The following NSD3 variants were observed in gnomAD, a reference collection of about 807,000 sequenced individuals.
NSD3 encodes the protein histone-lysine N-methyltransferase NSD3.
A neutral mutation model predicts 160.8 loss-of-function variants in NSD3; 24 were observed. The observed-to-expected ratio is 0.15, with a 90% CI of 0.11 to 0.21. The LOEUF (loss-of-function observed/expected upper bound fraction) is 0.21, where lower values mean the gene tolerates loss of function less well. NSD3 is among the 10% of genes least tolerant of loss of function. NSD3 has a pLI of 1.00. For missense variants in NSD3, 1,157 were observed against 1,735.9 expected (o/e 0.67, Z 5.93); for synonymous variants, 520 against 600.0 (o/e 0.87, Z 1.95).
chr8:38,284,697 T>C (rs7845284), intron 19 of NSD3, among the ~76,000 whole-genome samples: 32,719 of 152,182 alleles, frequency 0.21, 3,780 homozygotes, highest in East Asian at 0.31. Flanking sequence ...TAGGGCAAAT[T>C]TTCTTTAGTG....
At chr8:38,297,221 T>C (rs2131002274) in intron 15 of NSD3, among the ~76,000 whole-genome samples, 1 of 152,298 alleles carries the variant, frequency 6.6e-6, no homozygotes, top group Admixed American at 6.5e-5. Flanking sequence ...CAAAACTCTT[T>C]CCTTTTAGAT....
chr8:38,275,652 C>G lies in NSD3; in HGVS notation c.4303G>C (p.Val1435Leu), dbSNP rs1187480432. The G allele has an allele frequency of 6.2e-7, 1 of 1,613,694 alleles. No homozygotes were observed. The highest frequency in any genetic ancestry group is 8.5e-7 in the Non-Finnish European group (1 of 1,179,750). Reference sequence around the variant, plus strand: ...GGGACACCACACATTTATTCTTTTACTTCTTCTCCATGATCTTGTGATTCC... The same window carrying G: ...GGGACACCACACATTTATTCTTTTAGTTCTTCTCCATGATCTTGTGATTCC... ...KWESQDHGEE[V>L]KE The change falls in exon 24 of 24, where the codon GTA becomes CTA. Residue 1435 changes from valine (V) to leucine (L), a missense_variant. Around this residue, in one of 10 missense-constraint regions of NSD3, gnomAD observed 222 missense variants for 409.9 expected, o/e 0.54. Transcript: ENST00000317025.
chr8:38,303,374 T>C (rs1809319549), intron 14 of NSD3: 2 of 985,358 alleles, frequency 2.0e-6, no homozygotes, highest in South Asian at 9.4e-5. Flanking sequence ...CAGCCAGGTT[T>C]CAGAGCAGGA....
chr8:38,307,177 GTT>G (rs1394043168), intron 12 of NSD3, among the ~76,000 whole-genome samples: 2 of 150,986 alleles, frequency 1.3e-5, no homozygotes, highest in African/African-American at 2.4e-5. Flanking sequence ...AACTTAAAGA[GTT>G]TGATAATACC....
chr8:38,358,268 G>A (rs1255166247), intron 1 of NSD3, among the ~76,000 whole-genome samples: 2 of 152,046 alleles, frequency 1.3e-5, no homozygotes, highest in African/African-American at 4.8e-5. Context: ...ATGTACATGA[G>A]AATTTTTACA....
chr8:38,355,282 C>G (rs1384338325), intron 1 of NSD3, among the ~76,000 whole-genome samples: 1 of 152,006 alleles, frequency 6.6e-6, no homozygotes, highest in South Asian at 2.1e-4. Flanking sequence ...ACAGGGCTGC[C>G]GTAAGAATTA....
intron 12 of NSD3, among the ~76,000 whole-genome samples, chr8:38,313,823 T>C (rs1260326404): frequency 6.6e-6 from 1 of 151,182 alleles, no homozygotes; most frequent in Non-Finnish European, 1.5e-5. Flanking sequence ...ACTTTTTGTC[T>C]GAAAGATTTT....
chr8:38,349,834 C>G (rs556775462), intron 1 of NSD3, among the ~76,000 whole-genome samples: 80 of 151,834 alleles, frequency 5.3e-4, no homozygotes, highest in African/African-American at 1.4e-3. Flanking sequence ...ATCCCTCCCC[C>G]CTTTCCCCAC....
intron 1 of NSD3, among the ~76,000 whole-genome samples, chr8:38,370,944 T>C (rs1240815765): frequency 6.6e-6 from 1 of 152,134 alleles, no homozygotes; most frequent in African/African-American, 2.4e-5. Context: ...ATCAGCCATA[T>C]AATTTTTTTT....
chr8:38,359,196 G>A (rs958363998), intron 1 of NSD3, among the ~76,000 whole-genome samples: 1 of 152,094 alleles, frequency 6.6e-6, no homozygotes, highest in Admixed American at 6.6e-5. Context: ...AGTAACAAAT[G>A]TGTATTGTTT....
chr8:38,294,191 G>A (rs1465600584), intron 16 of NSD3, among the ~76,000 whole-genome samples: 1 of 152,114 alleles, frequency 6.6e-6, no homozygotes, highest in Admixed American at 6.6e-5. Flanking sequence ...CTGGGCTCCA[G>A]CAATCCTCCA....
chr8:38,278,663 A>C (rs1396852081), intron 21 of NSD3, among the ~76,000 whole-genome samples: 1 of 152,222 alleles, frequency 6.6e-6, no homozygotes, highest in Non-Finnish European at 1.5e-5. Flanking sequence ...CAGTGGTTGA[A>C]ACCAAAGTGA....
In NSD3 at chr8:38,321,171, G is replaced by A; in HGVS notation, c.1710C>T (p.Gly570=). Residue 570 remains glycine (G), a splice_region_variant and synonymous_variant, in exon 8 of 24, where the codon GGC becomes GGT. Transcript: ENST00000317025. The surrounding 1 kb of genome is among the most constrained non-coding windows in gnomAD (Gnocchi z 4.7). ...TTCTCTGTTGCTTCTTTTCTACTGA[G>A]CCTAAGAAATGATTTAAACACACAA... ...SSPEATSGST[G]SVEKKQQRRS... 3 of 1,609,968 alleles carry A rather than the reference G, an allele frequency of 1.9e-6. No individual in the cohort carries two copies. The highest frequency in any genetic ancestry group is 2.5e-6 in the Non-Finnish European group (3 of 1,178,974).
rs192999770 is a variant in NSD3 at position 38,373,856 on chromosome 8, G to A, written c.-45+7943C>T. Among the ~76,000 whole-genome samples, 210 of 151,050 alleles carry A rather than the reference G, an allele frequency of 1.4e-3. 1 individual carries two copies. The highest frequency in any genetic ancestry group is 1.5e-3 in the Non-Finnish European group (105 of 67,848). On this transcript the variant is annotated intron_variant, in intron 1 of 23. Coordinates refer to ENST00000317025, the MANE Select transcript of NSD3 (RefSeq NM_023034.2). ...CTCATGCCTATAATCCCAACACTTT[G>A]GGAGGACGAGGTGGGAGGATTGGTT...
chr8:38,301,054 C>T (rs1809263979), intron 14 of NSD3, among the ~76,000 whole-genome samples: 2 of 152,160 alleles, frequency 1.3e-5, no homozygotes, highest in South Asian at 4.1e-4. Context: ...ACTGCAGCCT[C>T]AACCTCCTGG....
Position 38,326,733 on chromosome 8 carries a change from T to G in NSD3, c.1705A>C (p.Thr569Pro), listed in dbSNP as rs1473706247. The G allele has an allele frequency of 6.2e-7, 1 of 1,613,146 alleles. No homozygotes were observed. The highest frequency in any genetic ancestry group is 8.5e-7 in the Non-Finnish European group (1 of 1,179,632). Residue 569 changes from threonine to proline, a missense_variant, in exon 7 of 24, where the codon ACA becomes CCA. Thr to Pro is a conservative substitution (Grantham distance 38). Coordinates refer to ENST00000317025, the MANE Select transcript of NSD3 (RefSeq NM_023034.2). ...TATACTTTTCATTCATACCAACCTG[T>G]AGAACCAGATGTTGCTTCAGGAGAT... ...VSSPEATSGS[T>P]GSVEKKQQRR... is the part of the protein sequence containing the mutation.
chr8:38,326,982 ATTAAG>A (rs1585889470), intron 6 of NSD3, 126 bp from the exon 7 acceptor site: 2 of 1,025,736 alleles, frequency 1.9e-6, no homozygotes, highest in South Asian at 3.7e-5. Context: ...TTTGATTGCA[ATTAAG>A]TTATCTTAGC....
intron 2 of NSD3, among the ~76,000 whole-genome samples, chr8:38,346,368 T>C (rs1373261511): frequency 6.8e-6 from 1 of 147,214 alleles, no homozygotes; most frequent in African/African-American, 2.5e-5. Context: ...TATGTATATA[T>C]GTATATATAT....
At chr8:38,369,157 G>A (rs938773211) in intron 1 of NSD3, among the ~76,000 whole-genome samples, 32 of 151,422 alleles carry the variant, frequency 2.1e-4, no homozygotes, top group Non-Finnish European at 4.1e-4. Context: ...TTTGTTTATC[G>A]CTTTAGTATT....
Sources: gnomAD v4.1 joint callset for allele counts (sites outside exome capture counted in the v4.1 genomes callset) on GRCh38, gnomAD v4.1.1 for gene constraint, gnomAD v4.1.1 regional missense constraint, Gnocchi (gnomAD v3.1) non-coding constraint, MANE v1.5 for transcripts, NCBI Gene and HGNC (gene_info 2026-07-23, HGNC 2026-07-21) for gene names.